Variants in GRXCR2 observed in about 807,000 individuals in gnomAD.
GRXCR2 encodes the protein glutaredoxin domain-containing cysteine-rich protein 2.
A neutral mutation model predicts 24.8 loss-of-function variants in GRXCR2; 23 were observed. The observed-to-expected ratio is 0.93, with a 90% CI of 0.67 to 1.32. GRXCR2 has a LOEUF of 1.32. GRXCR2 is among the 40% of genes most tolerant of loss of function. The probability of loss-of-function intolerance (pLI) is 0.00; values close to 1 mark genes in which losing one functional copy is unlikely to be tolerated. For synonymous variants in GRXCR2, 130 were observed against 116.1 expected (o/e 1.12, Z -0.77); for missense variants, 315 against 303.4 (o/e 1.04, Z -0.28).
rs148429482 is a variant in GRXCR2, at chr5:145,878,068, A to T, written c.-69-11340T>A. Among the ~76,000 whole-genome samples, 718 of 152,374 alleles carry T rather than the reference A, an allele frequency of 4.7e-3. 25 individuals carry two copies. Among genetic ancestry groups the T allele is most frequent in the Admixed American group, 0.045 (684 of 15,304 alleles). Reference sequence around the variant, plus strand: ...CACGAACATCAAAGACCAAAGGTAGATAAAACCACAAAGATGGGGAGAAAC... The same window carrying T: ...CACGAACATCAAAGACCAAAGGTAGTTAAAACCACAAAGATGGGGAGAAAC... On this transcript the variant is annotated intron_variant, in intron 2 of 3. Coordinates refer to the GRXCR2 transcript ENST00000639411.
intron 2 of GRXCR2, among the ~76,000 whole-genome samples, chr5:145,882,796 G>C (rs1162228542): frequency 6.6e-6 from 1 of 152,060 alleles, no homozygotes; most frequent in Non-Finnish European, 1.5e-5. Context: ...TGATAGACTG[G>C]ATTAAGAAAA....
chr5:145,890,880 T>C (rs1335593636), intron 2 of GRXCR2, among the ~76,000 whole-genome samples: 1 of 148,800 alleles, frequency 6.7e-6, no homozygotes, highest in Non-Finnish European at 1.5e-5. Context: ...TCAAAAGACC[T>C]GTCTCACACA....
chr5:145,927,339 C>G lies in GRXCR2; in HGVS notation c.-70+8362G>C, dbSNP rs542132275. Among the ~76,000 whole-genome samples the G allele has an allele frequency of 2.6e-4, 39 of 152,212 alleles. No homozygotes were observed. The South Asian group carries it at 5.6e-3, about 22-fold the overall frequency. On this transcript the variant is annotated intron_variant, in intron 2 of 3. Transcript: ENST00000639411. ...AAAGGGAATGCTTCCTGTTTTTGCCCATTCAGTATGATATTGGCTGTGGGT... is the reference window on the plus strand; with the variant it reads ...AAAGGGAATGCTTCCTGTTTTTGCCGATTCAGTATGATATTGGCTGTGGGT...
At position 145,872,646 on chromosome 5, in the gene GRXCR2, G is replaced by A. The variant is rs773457218; in HGVS notation, c.323C>T (p.Ala108Val). 3.8e-5 allele frequency: 61 copies of A among 1,601,530 alleles called. No individual in the cohort carries two copies. Among genetic ancestry groups the A allele is most frequent in the South Asian group, 1.3e-4 (12 of 89,980 alleles). The change falls in exon 1 of 3, where the codon GCG (alanine) becomes GTG (valine). Residue 108 changes from alanine to valine, a missense_variant. Ala to Val is a moderately conservative substitution (Grantham distance 64, BLOSUM62 0). Coordinates refer to ENST00000377976, the MANE Select transcript of GRXCR2 (RefSeq NM_001080516.2). ...GGQPRFNDYKANDHKPLPIID... is the reference protein window; with the variant it reads ...GGQPRFNDYKVNDHKPLPIID... ...CACAATACCAACCTTATGGTCATTC[G>A]CCTTGTAATCGTTGAACCGAGGCTG...
intron 2 of GRXCR2, 25 bp downstream of exon 2, chr5:145,866,476 A>G: frequency 6.4e-7 from 1 of 1,560,652 alleles, no homozygotes; most frequent in Non-Finnish European, 8.8e-7. Context: ...AGCTCCGAGC[A>G]GGACAGTCAA....
rs1401908150 is a variant in GRXCR2, at chr5:145,859,534, GC to G, written c.*198del. ...TCAAAGCAGACTATAATTCAGAAAT[GC>G]CCCTGCCACTTAGACCCACAGAGAG... On this transcript the variant is annotated 3_prime_UTR_variant, in exon 3 of 3. Coordinates refer to ENST00000377976, the MANE Select transcript of GRXCR2 (RefSeq NM_001080516.2). 2.0e-5 allele frequency: 12 copies of G among 601,596 alleles called. No homozygotes were observed. The highest frequency in any genetic ancestry group is 3.6e-5 in the Non-Finnish European group (12 of 333,668). 37.3% of individuals were successfully genotyped at this position (601,596 alleles called of 1,614,324 possible). A position where few individuals can be genotyped will look rare whatever the true frequency, so the allele number is the denominator to read the frequency against.
At chr5:145,893,375 A>G (rs1393957029) in intron 2 of GRXCR2, among the ~76,000 whole-genome samples, 1 of 152,192 alleles carries the variant, frequency 6.6e-6, no homozygotes, top group Non-Finnish European at 1.5e-5. Flanking sequence ...AGTGTGTTGT[A>G]TTCAGGAAAC....
chr5:145,888,211 A>G (rs1481781369), intron 2 of GRXCR2, among the ~76,000 whole-genome samples: 5 of 152,222 alleles, frequency 3.3e-5, no homozygotes, highest in Non-Finnish European at 5.9e-5. Flanking sequence ...CACGGAATGC[A>G]CTAGGAAAGG....
In GRXCR2 at chr5:145,872,997, G is replaced by A. The variant is rs746569056; in HGVS notation, c.-29C>T. 2 of 1,591,430 alleles carry A rather than the reference G, an allele frequency of 1.3e-6. No individual in the cohort carries two copies. The highest frequency in any genetic ancestry group is 1.7e-6 in the Non-Finnish European group (2 of 1,162,136). On this transcript the variant is annotated 5_prime_UTR_variant, in exon 1 of 3. Coordinates refer to ENST00000377976, the MANE Select transcript of GRXCR2 (RefSeq NM_001080516.2). Reference sequence around the variant, plus strand: ...CAGAAAGTTGACCCTGTGGTCTCCAGCCTTCCGTGCAGCCGGTGAAACTTG... The same window carrying A: ...CAGAAAGTTGACCCTGTGGTCTCCAACCTTCCGTGCAGCCGGTGAAACTTG...
intron 2 of GRXCR2, among the ~76,000 whole-genome samples, chr5:145,887,506 C>T (rs1041300538): frequency 7.2e-5 from 11 of 152,182 alleles, no homozygotes; most frequent in African/African-American, 2.7e-4. Flanking sequence ...ACACCACAGA[C>T]ATTTCGTGGG....
At chr5:145,890,186 T>G (rs1252693174) in intron 2 of GRXCR2, among the ~76,000 whole-genome samples, 1 of 152,200 alleles carries the variant, frequency 6.6e-6, no homozygotes, top group Non-Finnish European at 1.5e-5. Context: ...CCTCCCAGGT[T>G]CAAGCATTTC....
At chr5:145,892,954 C>T (rs1271686429) in intron 2 of GRXCR2, among the ~76,000 whole-genome samples, 1 of 152,184 alleles carries the variant, frequency 6.6e-6, no homozygotes, top group Non-Finnish European at 1.5e-5. Flanking sequence ...CTCTACAAGC[C>T]AGAAGAGAGT....
At chr5:145,871,876 A>C (rs776684338) in intron 1 of GRXCR2, among the ~76,000 whole-genome samples, 7 of 152,208 alleles carry the variant, frequency 4.6e-5, no homozygotes, top group Non-Finnish European at 7.3e-5. Flanking sequence ...GAAGTCATTC[A>C]TGGTCCCACT....
rs776261985 is a variant in GRXCR2, at chr5:145,872,721, T to C, written c.248A>G (p.Gln83Arg). 1.9e-6 allele frequency: 3 copies of C among 1,613,914 alleles called. No homozygotes were observed. Among genetic ancestry groups the C allele is most frequent in the South Asian group, 1.1e-5 (1 of 91,078 alleles). The part of the protein sequence containing the change: ...PQMCSPKLTA[Q>R]RISVFREGNA... ...ACCCTCTCTAAACACACTGATCCTC[T>C]GAGCAGTCAGCTTAGGGGAGCACAT... The change falls in exon 1 of 3, where the codon CAG (glutamine) becomes CGG (arginine). Residue 83 changes from glutamine to arginine, a missense_variant. Physicochemically the swap from Gln to Arg is conservative, Grantham distance 43. Transcript: ENST00000377976.
upstream of GRXCR2, among the ~76,000 whole-genome samples, chr5:145,877,334 G>A (rs1421840342): frequency 6.7e-6 from 1 of 150,280 alleles, no homozygotes; most frequent in African/African-American, 2.4e-5. Context: ...AAAATCTTCT[G>A]ATACTACCTC....
intron 2 of GRXCR2, among the ~76,000 whole-genome samples, chr5:145,901,191 T>C (rs751719086): frequency 2.0e-5 from 3 of 152,100 alleles, no homozygotes; most frequent in Non-Finnish European, 2.9e-5. Flanking sequence ...AAATAACTAT[T>C]GCATACTATG....
chr5:145,894,816 C>A (rs889525472), intron 2 of GRXCR2, among the ~76,000 whole-genome samples: 15 of 152,080 alleles, frequency 9.9e-5, no homozygotes, highest in African/African-American at 3.6e-4. Flanking sequence ...CAAAGCCTGG[C>A]AGAGACCCAA....
At chr5:145,890,571 C>A (rs1447886141) in intron 2 of GRXCR2, among the ~76,000 whole-genome samples, 1 of 152,054 alleles carries the variant, frequency 6.6e-6, no homozygotes, top group African/African-American at 2.4e-5. Flanking sequence ...CAAGCAAGCA[C>A]TGAGGGAATT....
At chr5:145,858,219 C>T (rs1756270032), downstream of GRXCR2, among the ~76,000 whole-genome samples, 1 of 149,020 alleles carries the variant, frequency 6.7e-6, no homozygotes, top group Non-Finnish European at 1.5e-5. Flanking sequence ...GAGGCGGAGG[C>T]AGGAGAATCG....
Sources: gnomAD v4.1 joint callset for allele counts (sites outside exome capture counted in the v4.1 genomes callset) on GRCh38, gnomAD v4.1.1 for gene constraint, MANE v1.5 for transcripts, NCBI Gene and HGNC (gene_info 2026-07-23, HGNC 2026-07-21) for gene names.